NIPBL: variants seen among roughly 807,000 people sequenced by gnomAD.
The protein encoded by NIPBL is nipped-B-like protein.
A neutral mutation model predicts 321.8 loss-of-function variants in NIPBL; 19 were observed. That is an observed-to-expected ratio of 0.06 (90% CI 0.04 to 0.09). NIPBL has a LOEUF of 0.09. Among genes scored for constraint, NIPBL ranks in the 10% least tolerant of loss-of-function variants. The pLI, the probability that NIPBL is intolerant of heterozygous loss-of-function variation, is 1.00. For missense variants in NIPBL, 2,210 were observed against 3,327.0 expected (o/e 0.66, Z 8.26); for synonymous variants, 1,106 against 1,114.1 (o/e 0.99, Z 0.14).
intron 40 of NIPBL, 189 bp from the exon 41 acceptor site, chr5:37,051,590 A>T (rs1753550079): frequency 3.3e-6 from 2 of 606,576 alleles, no homozygotes; most frequent in Admixed American, 6.1e-5. Flanking sequence ...CTGGTGCTCC[A>T]GTGCTTTCTG....
At chr5:36,999,861 C>T (rs1746584178) in intron 11 of NIPBL, among the ~76,000 whole-genome samples, 1 of 152,162 alleles carries the variant, frequency 6.6e-6, no homozygotes, top group Non-Finnish European at 1.5e-5. Context: ...GAATTTATCG[C>T]TGAGTTGTGG....
At chr5:36,946,296 TTTCTGTTGCCCAACAGGCTGGGC>T (rs1454829104) in intron 1 of NIPBL, among the ~76,000 whole-genome samples, 1 of 151,924 alleles carries the variant, frequency 6.6e-6, no homozygotes, top group Non-Finnish European at 1.5e-5. Context: ...TCCAGCAGAC[TTTCTGTTGCCCAACAGGCTGGGC>T]TGCAGCCACA....
intron 32 of NIPBL, among the ~76,000 whole-genome samples, chr5:37,033,064 C>G (rs1361587401): frequency 1.3e-5 from 2 of 152,068 alleles, no homozygotes. Context: ...TAGAAGAAAT[C>G]ATTTCAGAGT....
At chr5:37,042,164 C>T (rs1391665974) in intron 34 of NIPBL, among the ~76,000 whole-genome samples, 2 of 152,032 alleles carry the variant, frequency 1.3e-5, no homozygotes, top group Non-Finnish European at 1.5e-5. Context: ...GGGCTGGGCA[C>T]GGTGGCTCAC....
At chr5:36,958,882 G>A (rs947936762) in intron 4 of NIPBL, among the ~76,000 whole-genome samples, 7 of 152,154 alleles carry the variant, frequency 4.6e-5, no homozygotes, top group African/African-American at 1.7e-4. Context: ...ACTTCAGAAA[G>A]TTCAACTTTG....
intron 34 of NIPBL, among the ~76,000 whole-genome samples, chr5:37,043,179 T>G (rs1752624454): frequency 6.6e-6 from 1 of 152,100 alleles, no homozygotes; most frequent in South Asian, 2.1e-4. Context: ...GAGGATCACT[T>G]GAGGCCAGGA....
intron 32 of NIPBL, among the ~76,000 whole-genome samples, chr5:37,027,614 T>TG (rs1750450287): frequency 7.1e-6 from 1 of 140,006 alleles, no homozygotes; most frequent in African/African-American, 2.7e-5. Context: ...TTTTTTTTTT[T>TG]TTTTTTTTTT....
intron 32 of NIPBL, among the ~76,000 whole-genome samples, chr5:37,028,251 C>T (rs1218427513): frequency 1.3e-5 from 2 of 151,596 alleles, no homozygotes; most frequent in East Asian, 3.9e-4. Context: ...AAATTATCAG[C>T]ATTTTCCCAG....
At chr5:37,035,015 C>T (rs1298589318) in intron 32 of NIPBL, among the ~76,000 whole-genome samples, 1 of 152,222 alleles carries the variant, frequency 6.6e-6, no homozygotes, top group Non-Finnish European at 1.5e-5. Context: ...CTAGGCCGGG[C>T]ATGGTAGCTC....
At chr5:36,952,923 T>C (rs1412334159) in intron 1 of NIPBL, among the ~76,000 whole-genome samples, 1 of 152,198 alleles carries the variant, frequency 6.6e-6, no homozygotes, top group African/African-American at 2.4e-5. Context: ...ATAAATGTCA[T>C]AAGTTCAGAG....
intron 4 of NIPBL, among the ~76,000 whole-genome samples, chr5:36,961,001 C>T (rs983676646): frequency 3.3e-5 from 5 of 152,058 alleles, no homozygotes; most frequent in African/African-American, 9.7e-5. Context: ...TTCAAACTTT[C>T]GGCCCATAAA....
At chr5:37,061,568 A>G (rs1445591508) in intron 45 of NIPBL, among the ~76,000 whole-genome samples, 1 of 152,032 alleles carries the variant, frequency 6.6e-6, no homozygotes, top group East Asian at 1.9e-4. Context: ...AGTCCCAGCT[A>G]CTCAGGAGGC....
chr5:36,907,309 T>G (rs758188663), intron 1 of NIPBL, among the ~76,000 whole-genome samples: 4 of 152,190 alleles, frequency 2.6e-5, no homozygotes, highest in Non-Finnish European at 5.9e-5. Flanking sequence ...GTAAGATATT[T>G]TGTTAGGTGA....
intron 23 of NIPBL, among the ~76,000 whole-genome samples, chr5:37,016,669 T>G (rs1440278300): frequency 6.6e-6 from 1 of 152,198 alleles, no homozygotes; most frequent in Non-Finnish European, 1.5e-5. Context: ...TGGGAAAATA[T>G]GTTAATATTA....
chr5:36,987,295 T>C (rs757075427), intron 10 of NIPBL, among the ~76,000 whole-genome samples: 1 of 152,218 alleles, frequency 6.6e-6, no homozygotes, highest in Non-Finnish European at 1.5e-5. Context: ...TAACCAAGTA[T>C]ATGAAATCTG....
chr5:36,918,636 A>G (rs1748673152), intron 1 of NIPBL, among the ~76,000 whole-genome samples: 1 of 152,088 alleles, frequency 6.6e-6, no homozygotes, highest in African/African-American at 2.4e-5. Flanking sequence ...GTTTTTGCCC[A>G]TTCAGTATGA....
chr5:36,923,665 A>T (rs894849451), intron 1 of NIPBL, among the ~76,000 whole-genome samples: 3 of 152,164 alleles, frequency 2.0e-5, no homozygotes, highest in South Asian at 2.1e-4. Flanking sequence ...GCAGTCACAG[A>T]AGTAGTCTTG....
At chr5:36,962,021 A>T (rs1741681960) in intron 5 of NIPBL, 102 bp from the exon 6 acceptor site, 2 of 1,295,556 alleles carry the variant, frequency 1.5e-6, no homozygotes, top group Non-Finnish European at 2.2e-6. Context: ...GATTTTACAT[A>T]TATAAACTAA....
At chr5:37,048,968 C>T (rs535888325) in intron 39 of NIPBL, 143 bp from the exon 40 acceptor site, 46 of 821,468 alleles carry the variant, frequency 5.6e-5, no homozygotes, top group Admixed American at 2.8e-4. Flanking sequence ...CACACACACA[C>T]ACTCACACAC....
Sources: allele counts gnomAD v4.1 joint callset (sites outside exome capture counted in the v4.1 genomes callset), GRCh38; gene constraint gnomAD v4.1.1; transcripts MANE v1.5; gene names NCBI Gene and HGNC (gene_info 2026-07-23, HGNC 2026-07-21).